Variants in AFF1 observed in about 807,000 individuals in gnomAD.
AFF1 encodes ALF transcription elongation factor 1, also known as AF4/FMR2 family member 1.
Under a neutral mutation model 121.7 loss-of-function variants are expected in AFF1, and 48 were observed. The ratio of observed to expected loss-of-function variants is 0.39; its 90% CI spans 0.31 to 0.50. AFF1 has a LOEUF of 0.50. AFF1 is among the 20% of genes least tolerant of loss of function. The pLI is 0.76. For missense variants in AFF1, 1,523 were observed against 1,511.7 expected (o/e 1.01, Z -0.12); for synonymous variants, 613 against 563.0 (o/e 1.09, Z -1.26).
chr4:86,967,777 G>A (rs74784659), intron 2 of AFF1, among the ~76,000 whole-genome samples: 26,466 of 152,034 alleles, frequency 0.17, 2,507 homozygotes, highest in East Asian at 0.31. Context: ...AGTGGTACAA[G>A]TTCCTTTTTG....
intron 4 of AFF1, among the ~76,000 whole-genome samples, chr4:87,072,163 A>G (rs1722131374): frequency 6.6e-6 from 1 of 152,144 alleles, no homozygotes. Flanking sequence ...GGAGATCTAG[A>G]CCATCCTGGC....
At chr4:86,948,691 TG>T in intron 2 of AFF1, 120 bp downstream of exon 2, 1 of 933,132 alleles carries the variant, frequency 1.1e-6, no homozygotes, top group African/African-American at 1.7e-5. Flanking sequence ...TGCAAGAAAA[TG>T]TTTGAAATTT....
chr4:86,965,587 T>C (rs1379667027), intron 2 of AFF1, among the ~76,000 whole-genome samples: 1 of 152,224 alleles, frequency 6.6e-6, no homozygotes, highest in Admixed American at 6.5e-5. Flanking sequence ...ATTTTGAAGA[T>C]ATTTGCTCCA....
chr4:87,039,927 A>G (rs1245782043), intron 2 of AFF1, among the ~76,000 whole-genome samples: 6 of 152,042 alleles, frequency 3.9e-5, no homozygotes, highest in Non-Finnish European at 8.8e-5. Flanking sequence ...TTTGAGATGG[A>G]GTCTCGCTCT....
At chr4:86,962,032 A>G (rs542572860) in intron 2 of AFF1, among the ~76,000 whole-genome samples, 8 of 152,246 alleles carry the variant, frequency 5.3e-5, no homozygotes, top group South Asian at 4.1e-4. Flanking sequence ...TGTCTAAAAT[A>G]TATGTTTTTT....
chr4:87,043,087 A>G (rs1730317203), intron 2 of AFF1, among the ~76,000 whole-genome samples: 1 of 152,186 alleles, frequency 6.6e-6, no homozygotes, highest in African/African-American at 2.4e-5. Flanking sequence ...CTGGACTGAG[A>G]ATTGCCATTT....
intron 16 of AFF1, among the ~76,000 whole-genome samples, chr4:87,128,153 C>T (rs943143831): frequency 6.6e-6 from 1 of 152,170 alleles, no homozygotes; most frequent in Non-Finnish European, 1.5e-5. Context: ...TTTCACAAGG[C>T]AGGAAGCCTG....
intron 10 of AFF1, 141 bp from the exon 11 acceptor site, chr4:87,108,018 C>A: frequency 1.2e-6 from 1 of 823,958 alleles, no homozygotes; most frequent in Non-Finnish European, 1.8e-6. Flanking sequence ...TTGGGCCTCT[C>A]TCAGTTGGAT....
chr4:86,943,403 A>G (rs1342696371), intron 1 of AFF1, among the ~76,000 whole-genome samples: 1 of 152,200 alleles, frequency 6.6e-6, no homozygotes. Flanking sequence ...TCCCTAACAC[A>G]TTGCCTGTTA....
chr4:87,069,816 ATTTTT>A (rs751029258), intron 4 of AFF1, among the ~76,000 whole-genome samples: 3 of 121,306 alleles, frequency 2.5e-5, no homozygotes, highest in Admixed American at 9.2e-5. Context: ...ATCACTCAGG[ATTTTT>A]TTTTTTTTTT....
intron 1 of AFF1, chr4:86,935,650 A>G (rs1719915706): frequency 6.6e-6 from 1 of 151,816 alleles, no homozygotes; most frequent in African/African-American, 2.4e-5. Flanking sequence ...GGCGGGGAAA[A>G]GTGGGGTTCT....
intron 4 of AFF1, among the ~76,000 whole-genome samples, chr4:87,064,265 G>C (rs1721106245): frequency 1.3e-5 from 2 of 152,174 alleles, no homozygotes; most frequent in Admixed American, 6.5e-5. Flanking sequence ...AGTAAGGAAA[G>C]GTGTAAGATT....
intron 10 of AFF1, among the ~76,000 whole-genome samples, chr4:87,106,108 C>T (rs562573320): frequency 2.7e-4 from 41 of 152,282 alleles, no homozygotes; most frequent in African/African-American, 9.1e-4. Context: ...ACAGGCTGGG[C>T]GTGCTAGCTC....
At chr4:87,008,979 A>G (rs1003555359) in intron 2 of AFF1, among the ~76,000 whole-genome samples, 8 of 144,222 alleles carry the variant, frequency 5.5e-5, no homozygotes, top group African/African-American at 1.8e-4. Context: ...AATTAAGATT[A>G]AGATACCTTG....
intron 4 of AFF1, among the ~76,000 whole-genome samples, chr4:87,060,700 A>G (rs1019143444): frequency 1.3e-5 from 2 of 151,868 alleles, no homozygotes; most frequent in Non-Finnish European, 1.5e-5. Flanking sequence ...TTAGCCAGGT[A>G]TGGTGGCAGG....
rs575198495 is a variant in AFF1, at chr4:87,126,737, G to A, written c.2812-289G>A. ...AAGTTCTTCTCTTCCTGTTAATCTG[G>A]GTGGAGTGGAGTGGTGTGTTTGGAT... On this transcript the variant is annotated intron_variant, in intron 14 of 20. Transcript: ENST00000395146. Among the ~76,000 whole-genome samples, 6 of 152,212 alleles carry A rather than the reference G, an allele frequency of 3.9e-5. No homozygotes were observed. The South Asian group carries it at 1.2e-3, about 32-fold the overall frequency.
chr4:87,055,416 T>G (rs1361535346), intron 4 of AFF1, among the ~76,000 whole-genome samples: 1 of 152,240 alleles, frequency 6.6e-6, no homozygotes, highest in Non-Finnish European at 1.5e-5. Flanking sequence ...TTCTATTCCT[T>G]CTCGGAAATG....
rs537206609 is a variant in AFF1, at chr4:87,131,028, A to T, written c.2965-55A>T. ...AGTCACACTAAAGAATGTGGGTGAG[A>T]AACTAAATCAAGGTTTGTCTTCAGC... On this transcript the variant is annotated intron_variant, in intron 16 of 20. Coordinates refer to ENST00000395146, the MANE Select transcript of AFF1 (RefSeq NM_001166693.3). The T allele has an allele frequency of 4.0e-5, 64 of 1,595,142 alleles. 1 individual carries two copies. Among genetic ancestry groups the T allele is most frequent in the Middle Eastern group, 1.7e-4 (1 of 5,950 alleles).
intron 2 of AFF1, among the ~76,000 whole-genome samples, chr4:86,981,021 GTTTT>G (rs898211709): frequency 7.3e-6 from 1 of 136,132 alleles, no homozygotes; most frequent in African/African-American, 2.7e-5. Context: ...TTGTTTGTTT[GTTTT>G]GTTTTGAGAC....
Sources: gnomAD v4.1 joint callset for allele counts (sites outside exome capture counted in the v4.1 genomes callset) on GRCh38, gnomAD v4.1.1 for gene constraint, MANE v1.5 for transcripts, NCBI Gene and HGNC (gene_info 2026-07-23, HGNC 2026-07-21) for gene names.